MAGI1: variants seen among roughly 807,000 people sequenced by gnomAD.
The protein encoded by MAGI1 is membrane-associated guanylate kinase, WW and PDZ domain-containing protein 1.
MAGI1 carries 58 observed loss-of-function variants against 139.9 expected under a neutral mutation model. The observed-to-expected ratio is 0.41, with a 90% CI of 0.34 to 0.52. The LOEUF (loss-of-function observed/expected upper bound fraction) is 0.52. Among genes scored for constraint, MAGI1 ranks in the 20% least tolerant of loss-of-function variants. The pLI is 0.12. For synonymous variants in MAGI1, 812 were observed against 737.9 expected (o/e 1.10, Z -1.63); for missense variants, 1,874 against 1,901.6 (o/e 0.99, Z 0.27).
chr3:65,778,807 TG>T (rs2038694532), intron 1 of MAGI1, among the ~76,000 whole-genome samples: 1 of 152,252 alleles, frequency 6.6e-6, no homozygotes, highest in African/African-American at 2.4e-5. Flanking sequence ...ACTCGCATCT[TG>T]GATCAAGTTC....
intron 1 of MAGI1, among the ~76,000 whole-genome samples, chr3:65,823,716 A>C (rs1253470247): frequency 6.6e-6 from 1 of 152,200 alleles, no homozygotes; most frequent in Non-Finnish European, 1.5e-5. Flanking sequence ...ATCCTACCCA[A>C]AGCAATCTAC....
chr3:65,900,902 G>C (rs1483974091), intron 1 of MAGI1, among the ~76,000 whole-genome samples: 1 of 152,200 alleles, frequency 6.6e-6, no homozygotes, highest in Non-Finnish European at 1.5e-5. Flanking sequence ...GTATATGCTA[G>C]GAGTGTGGAC....
chr3:65,813,614 T>C (rs1264142604), intron 1 of MAGI1, among the ~76,000 whole-genome samples: 1 of 152,246 alleles, frequency 6.6e-6, no homozygotes, highest in Non-Finnish European at 1.5e-5. Flanking sequence ...GGAGGAATTT[T>C]AGCAATGCAC....
chr3:65,365,878 C>A (rs1941375244), intron 18 of MAGI1, among the ~76,000 whole-genome samples: 1 of 152,178 alleles, frequency 6.6e-6, no homozygotes. Flanking sequence ...AACTGAGATA[C>A]CTATAATATA....
intron 1 of MAGI1, among the ~76,000 whole-genome samples, chr3:65,995,645 C>T (rs74736906): frequency 0.061 from 9,324 of 152,158 alleles, 316 homozygotes; most frequent in East Asian, 0.085. Context: ...AATGACAGAC[C>T]AGCAAGCACA....
rs1442253835 is a variant in MAGI1, at chr3:65,736,473, G to A, written c.314-114385C>T. On this transcript the variant is annotated intron_variant, in intron 1 of 22. Transcript: ENST00000402939. ...AATTGGCCAAGGAGTCCCACAATAT[G>A]CTGTCTGCAAGCTAAAGAACCAAGA... 2.0e-5 allele frequency among the ~76,000 whole-genome samples: 3 copies of A among 152,150 alleles called. No homozygotes were observed. The South Asian group carries it at 6.2e-4, about 32-fold the overall frequency.
At chr3:65,821,426 C>A (rs2041943720) in intron 1 of MAGI1, among the ~76,000 whole-genome samples, 1 of 152,160 alleles carries the variant, frequency 6.6e-6, no homozygotes, top group African/African-American at 2.4e-5. Context: ...TGCTGCATGC[C>A]TGGCATGCTT....
chr3:65,465,378 C>T (rs1032238626), intron 5 of MAGI1, among the ~76,000 whole-genome samples: 4 of 148,930 alleles, frequency 2.7e-5, no homozygotes, highest in Admixed American at 2.0e-4. Context: ...TTAGAATTCT[C>T]TTTTTGTTTA....
intron 1 of MAGI1, among the ~76,000 whole-genome samples, chr3:65,957,536 A>AAG (rs1560054121): frequency 3.1e-5 from 1 of 32,436 alleles, no homozygotes. Context: ...AAAAAAAAAG[A>AAG]AAAAGAAAAG....
chr3:65,967,636 GC>G (rs2064820658), intron 1 of MAGI1, among the ~76,000 whole-genome samples: 1 of 152,204 alleles, frequency 6.6e-6, no homozygotes, highest in Non-Finnish European at 1.5e-5. Context: ...GAAATGCCAG[GC>G]CAAAGCAGTC....
intron 1 of MAGI1, among the ~76,000 whole-genome samples, chr3:65,654,452 G>C (rs1389353464): frequency 6.6e-6 from 1 of 152,180 alleles, no homozygotes; most frequent in Non-Finnish European, 1.5e-5. Context: ...TGTAAACAAA[G>C]AGAGAAAAAC....
At chr3:65,610,337 A>G (rs2082985345) in intron 2 of MAGI1, among the ~76,000 whole-genome samples, 1 of 152,174 alleles carries the variant, frequency 6.6e-6, no homozygotes, top group African/African-American at 2.4e-5. Context: ...CTGGGGAAAA[A>G]GCCATCTAGA....
At chr3:65,700,488 C>G (rs2107608360) in intron 1 of MAGI1, among the ~76,000 whole-genome samples, 1 of 152,064 alleles carries the variant, frequency 6.6e-6, no homozygotes, top group East Asian at 1.9e-4. Context: ...ATAACAATAG[C>G]AAATTTCATT....
At chr3:65,496,684 G>A (rs1000273923) in intron 2 of MAGI1, among the ~76,000 whole-genome samples, 3 of 152,172 alleles carry the variant, frequency 2.0e-5, no homozygotes, top group African/African-American at 4.8e-5. Flanking sequence ...TCAGGGGGAT[G>A]GAGATGCACC....
chr3:65,458,975 T>C (rs969878922), intron 5 of MAGI1, among the ~76,000 whole-genome samples: 3 of 152,214 alleles, frequency 2.0e-5, no homozygotes, highest in Admixed American at 1.3e-4. Flanking sequence ...GATTTGACTT[T>C]AGTATATGGA....
chr3:65,522,951 A>C (rs2107806882), intron 2 of MAGI1, among the ~76,000 whole-genome samples: 1 of 152,196 alleles, frequency 6.6e-6, no homozygotes, highest in South Asian at 2.1e-4. Context: ...TCCTCCAGGA[A>C]CCTTGTCTGA....
intron 1 of MAGI1, among the ~76,000 whole-genome samples, chr3:65,681,853 TTTTG>T (rs2087611692): frequency 6.6e-6 from 1 of 152,164 alleles, no homozygotes; most frequent in Non-Finnish European, 1.5e-5. Context: ...TTTTGGCTTT[TTTTG>T]TTTTTTTGTT....
chr3:65,785,489 C>T (rs574264654), intron 1 of MAGI1, among the ~76,000 whole-genome samples: 13 of 152,260 alleles, frequency 8.5e-5, no homozygotes, highest in African/African-American at 2.6e-4. Flanking sequence ...ACAGAAACTA[C>T]GGATAATGTT....
intron 1 of MAGI1, among the ~76,000 whole-genome samples, chr3:65,754,712 C>G (rs1207732360): frequency 2.0e-5 from 3 of 152,178 alleles, no homozygotes; most frequent in Admixed American, 2.0e-4. Context: ...TTTATTCTCA[C>G]TATTTCAAAC....
Sources: gnomAD v4.1 joint callset for allele counts (sites outside exome capture counted in the v4.1 genomes callset) on GRCh38, gnomAD v4.1.1 for gene constraint, MANE v1.5 for transcripts, NCBI Gene and HGNC (gene_info 2026-07-23, HGNC 2026-07-21) for gene names.